Variants in PIGL observed in about 807,000 individuals in gnomAD.
PIGL encodes the protein N-acetylglucosaminyl-phosphatidylinositol de-N-acetylase.
A neutral mutation model predicts 31.1 loss-of-function variants in PIGL; 22 were observed. The ratio of observed to expected loss-of-function variants is 0.71; its 90% CI spans 0.51 to 1.01. The LOEUF is 1.01. PIGL is among the 50% of genes least tolerant of loss of function. The pLI is 0.00. For missense variants in PIGL, 302 were observed against 315.9 expected (o/e 0.96, Z 0.33); for synonymous variants, 131 against 117.4 (o/e 1.12, Z -0.75).
At chr17:16,243,255 G>A (rs139355813) in intron 2 of PIGL, among the ~76,000 whole-genome samples, 1,761 of 152,194 alleles carry the variant, frequency 0.012, 47 homozygotes, top group African/African-American at 0.04. Context: ...TCACCATGTT[G>A]GCCAGGCTGG....
At chr17:16,282,489 AC>A (rs2092920607) in intron 2 of PIGL, among the ~76,000 whole-genome samples, 1 of 152,010 alleles carries the variant, frequency 6.6e-6, no homozygotes, top group African/African-American at 2.4e-5. Flanking sequence ...ATACCCAAAC[AC>A]CTTGACAAAG....
intron 2 of PIGL, among the ~76,000 whole-genome samples, chr17:16,249,274 T>G (rs577069213): frequency 1.3e-5 from 2 of 151,534 alleles, no homozygotes; most frequent in African/African-American, 4.8e-5. Flanking sequence ...AGGTCAGGAG[T>G]TCAAGACCAG....
intron 2 of PIGL, among the ~76,000 whole-genome samples, chr17:16,297,266 C>T (rs1414480616): frequency 2.0e-5 from 3 of 152,202 alleles, no homozygotes; most frequent in Non-Finnish European, 4.4e-5. Context: ...GGTGGAGCCA[C>T]CGAAAGAAAG....
intron 2 of PIGL, among the ~76,000 whole-genome samples, chr17:16,273,196 G>A (rs762145446): frequency 6.6e-6 from 1 of 152,134 alleles, no homozygotes; most frequent in Non-Finnish European, 1.5e-5. Context: ...AGCACACAAA[G>A]GTACCATGGA....
chr17:16,274,324 G>A (rs531279443), intron 2 of PIGL, among the ~76,000 whole-genome samples: 2 of 152,334 alleles, frequency 1.3e-5, no homozygotes, highest in Admixed American at 1.3e-4. Context: ...AGGAAGGCAA[G>A]AGTTCTCTTG....
At chr17:16,319,960 AG>A (rs2142875809) in intron 6 of PIGL, among the ~76,000 whole-genome samples, 1 of 151,792 alleles carries the variant, frequency 6.6e-6, no homozygotes, top group African/African-American at 2.4e-5. Flanking sequence ...TGTAGACTTA[AG>A]CCCCCCACAG....
chr17:16,218,696 T>C (rs1284772998), intron 1 of PIGL, among the ~76,000 whole-genome samples: 16 of 150,580 alleles, frequency 1.1e-4, no homozygotes, highest in African/African-American at 2.9e-4. Flanking sequence ...TTTTTTTTTT[T>C]CTGAGATAGT....
chr17:16,248,284 C>T (rs944586803), intron 2 of PIGL, among the ~76,000 whole-genome samples: 7 of 152,152 alleles, frequency 4.6e-5, no homozygotes, highest in Non-Finnish European at 8.8e-5. Context: ...TTCTTTATCT[C>T]TCAACTCTTA....
rs146437187 is a variant in PIGL at position 16,323,108 on chromosome 17, G to T, written c.661-2692G>T. On this transcript the variant is annotated intron_variant, in intron 6 of 6. Coordinates refer to ENST00000225609, the MANE Select transcript of PIGL (RefSeq NM_004278.4). The stretch of plus-strand genomic sequence containing the variant: ...ATTGATGAAAATATTGTGGCCAAAG[G>T]CTTGGAGGAACCCAACCCTGTATTT... Among the ~76,000 whole-genome samples the T allele has an allele frequency of 1.6e-4, 24 of 152,310 alleles. No individual in the cohort carries two copies. The East Asian group carries it at 4.2e-3, about 27-fold the overall frequency.
chr17:16,246,181 C>A (rs960950715), intron 2 of PIGL, among the ~76,000 whole-genome samples: 1 of 151,740 alleles, frequency 6.6e-6, no homozygotes, highest in Admixed American at 6.6e-5. Flanking sequence ...CATCACTCCC[C>A]TACTCGTGAA....
chr17:16,268,280 GATA>G (rs570300388), intron 2 of PIGL, among the ~76,000 whole-genome samples: 107 of 152,236 alleles, frequency 7.0e-4, no homozygotes, highest in African/African-American at 2.5e-3. Context: ...ATGATATTGG[GATA>G]ATAGTAGTAC....
At chr17:16,311,467 C>CTTTTTT (rs778072602) in intron 3 of PIGL, among the ~76,000 whole-genome samples, 3,099 of 18,978 alleles carry the variant, frequency 0.16, 991 homozygotes, top group South Asian at 0.23. Flanking sequence ...GGTTTTCTTT[C>CTTTTTT]TTTTTTTTTT....
At chr17:16,253,553 C>T (rs1477511660) in intron 2 of PIGL, among the ~76,000 whole-genome samples, 1 of 152,030 alleles carries the variant, frequency 6.6e-6, no homozygotes, top group Admixed American at 6.6e-5. Context: ...TAAAAATACA[C>T]ACAAAAAGCA....
At chr17:16,298,737 T>C (rs2092992491) in intron 2 of PIGL, among the ~76,000 whole-genome samples, 1 of 152,134 alleles carries the variant, frequency 6.6e-6, no homozygotes, top group South Asian at 2.1e-4. Context: ...CGGTAAAGGC[T>C]CTGTCAAAGG....
chr17:16,282,031 G>T (rs770474728), intron 2 of PIGL: 1 of 519,982 alleles, frequency 1.9e-6, no homozygotes, highest in Admixed American at 2.0e-5. Flanking sequence ...TTGATCAGCA[G>T]ATCAGGACTG....
chr17:16,217,470 C>T lies in PIGL; in HGVS notation c.235+9C>T. ...GCTTTGCTTCTCTGCAGGTAGGAGG[C>T]CATAGGAGGGGCGATGGGAGCCGGG... On this transcript the variant is annotated intron_variant, in intron 1 of 6. Coordinates refer to ENST00000225609, the MANE Select transcript of PIGL (RefSeq NM_004278.4). 1 of 1,601,228 alleles carries T rather than the reference C, an allele frequency of 6.2e-7. No homozygotes were observed. The highest frequency in any genetic ancestry group is 2.2e-5 in the East Asian group (1 of 44,778).
At position 16,254,950 on chromosome 17, in the gene PIGL, G is replaced by A. The variant is rs59850480; in HGVS notation, c.335+20880G>A. ...AGGCCGTAAGGCCCTTTGAACCCTC[G>A]ATATATAATACTTGCTCAATTATGT... On this transcript the variant is annotated intron_variant, in intron 2 of 6. Coordinates refer to ENST00000225609, the MANE Select transcript of PIGL (RefSeq NM_004278.4). Among the ~76,000 whole-genome samples the A allele has an allele frequency of 6.5e-3, 982 of 152,204 alleles. 14 individuals carry two copies. The highest frequency in any genetic ancestry group is 0.023 in the African/African-American group (947 of 41,536).
intron 2 of PIGL, among the ~76,000 whole-genome samples, chr17:16,251,229 C>G (rs1371221872): frequency 6.6e-6 from 1 of 152,012 alleles, no homozygotes; most frequent in African/African-American, 2.4e-5. Flanking sequence ...ATTTCAAGAC[C>G]AGCCTGGGCA....
At chr17:16,317,693 A>G in intron 5 of PIGL, 82 bp from the exon 6 acceptor site, 5 of 1,592,992 alleles carry the variant, frequency 3.1e-6, no homozygotes, top group Non-Finnish European at 4.3e-6. Context: ...CCTGAGCCAC[A>G]GGGTAGAGGG....
Sources: gnomAD v4.1 joint callset for allele counts (sites outside exome capture counted in the v4.1 genomes callset) on GRCh38, gnomAD v4.1.1 for gene constraint, MANE v1.5 for transcripts, NCBI Gene and HGNC (gene_info 2026-07-23, HGNC 2026-07-21) for gene names.